Variants in NEK5 observed in about 807,000 individuals in gnomAD.
NEK5 encodes NIMA related kinase 5.
NEK5 carries 88 observed loss-of-function variants against 109.2 expected under a neutral mutation model. The observed-to-expected ratio is 0.81, with a 90% CI of 0.68 to 0.96. The LOEUF (loss-of-function observed/expected upper bound fraction) is 0.96. Ranked by LOEUF, NEK5 falls within the 40% of genes least tolerant of loss-of-function variation. The pLI is 0.00. For missense variants in NEK5, 834 were observed against 920.7 expected (o/e 0.91, Z 1.22); for synonymous variants, 283 against 299.9 (o/e 0.94, Z 0.58).
At chr13:52,112,202 A>C in intron 5 of NEK5, 66 bp downstream of exon 5, 1 of 819,420 alleles carries the variant, frequency 1.2e-6, no homozygotes, top group African/African-American at 1.7e-5. Context: ...TACTTATGAC[A>C]TTATAAATTT....
chr13:52,063,066 CCCCTCTCCCCACGGTCT>C (rs1954627422), intron 21 of NEK5, among the ~76,000 whole-genome samples: 1 of 150,386 alleles, frequency 6.6e-6, no homozygotes. Context: ...CCCCACGGTC[CCCCTCTCCCCACGGTCT>C]CCCTCTCCCT....
chr13:52,041,521 AG>A (rs912947566), intron 23 of NEK5, among the ~76,000 whole-genome samples: 60 of 152,190 alleles, frequency 3.9e-4, no homozygotes, highest in African/African-American at 1.4e-3. Context: ...TGAGGTCAGG[AG>A]TTCGAGACCA....
At chr13:52,125,164 A>G (rs1956040521) in intron 3 of NEK5, among the ~76,000 whole-genome samples, 1 of 152,230 alleles carries the variant, frequency 6.6e-6, no homozygotes, top group African/African-American at 2.4e-5. Context: ...GGTGGTCTCA[A>G]TGATCGTCAT....
At chr13:52,065,735 C>A in intron 20 of NEK5, 126 bp from the exon 21 acceptor site, 1 of 645,812 alleles carries the variant, frequency 1.5e-6, no homozygotes, top group Non-Finnish European at 2.7e-6. Context: ...AAATGACCAC[C>A]CTTGTTCTAA....
chr13:52,065,399 G>T (rs746297022), intron 21 of NEK5, 85 bp downstream of exon 21: 1 of 1,584,594 alleles, frequency 6.3e-7, no homozygotes, highest in Admixed American at 1.7e-5. Flanking sequence ...ATAGTGAGAA[G>T]TAGACTATCA....
At chr13:52,037,885 T>G (rs1016944108) in intron 23 of NEK5, among the ~76,000 whole-genome samples, 2 of 150,436 alleles carry the variant, frequency 1.3e-5, no homozygotes, top group African/African-American at 4.9e-5. Flanking sequence ...ATCGCGCCAC[T>G]GCACTCCAGC....
intron 4 of NEK5, among the ~76,000 whole-genome samples, chr13:52,112,756 C>A (rs1311357446): frequency 6.6e-6 from 1 of 152,168 alleles, no homozygotes; most frequent in East Asian, 1.9e-4. Flanking sequence ...ATAGCCCCTT[C>A]TTGAATTTGG....
At chr13:52,122,199 C>T (rs1489004163) in intron 3 of NEK5, among the ~76,000 whole-genome samples, 1 of 152,200 alleles carries the variant, frequency 6.6e-6, no homozygotes, top group Non-Finnish European at 1.5e-5. Flanking sequence ...CATCCTGGAG[C>T]TAACTGCTTA....
intron 4 of NEK5, among the ~76,000 whole-genome samples, chr13:52,112,672 A>G (rs763730596): frequency 6.6e-6 from 1 of 152,184 alleles, no homozygotes; most frequent in South Asian, 2.1e-4. Flanking sequence ...TTATTAATAC[A>G]TTCCTTTGAG....
At chr13:52,084,222 G>A (rs1340934505) in intron 16 of NEK5, among the ~76,000 whole-genome samples, 2 of 152,020 alleles carry the variant, frequency 1.3e-5, no homozygotes, top group Non-Finnish European at 2.9e-5. Flanking sequence ...AAAGAATAGT[G>A]GTTATAATTG....
intron 22 of NEK5, among the ~76,000 whole-genome samples, chr13:52,060,808 C>T (rs546983793): frequency 5.9e-5 from 9 of 152,324 alleles, no homozygotes; most frequent in Admixed American, 5.2e-4. Context: ...TGTAGCACTT[C>T]ACACTTGAAT....
intron 3 of NEK5, among the ~76,000 whole-genome samples, chr13:52,124,526 A>G (rs1032525698): frequency 6.6e-6 from 1 of 152,208 alleles, no homozygotes; most frequent in African/African-American, 2.4e-5. Context: ...TTTATAAATT[A>G]CTTAACAAAT....
At chr13:52,076,182 GT>G in intron 17 of NEK5, 39 bp from the exon 18 acceptor site, 1 of 1,065,352 alleles carries the variant, frequency 9.4e-7, no homozygotes. Context: ...CTCACTGTAT[GT>G]TTACATGAGT....
chr13:52,065,348 C>T, intron 21 of NEK5, 136 bp downstream of exon 21: 2 of 1,237,696 alleles, frequency 1.6e-6, no homozygotes, highest in South Asian at 2.4e-5. Flanking sequence ...GATATCAAAA[C>T]AACATATTTG....
chr13:52,102,026 C>A lies in NEK5; in HGVS notation c.811-12G>T. On this transcript the variant is annotated splice_polypyrimidine_tract_variant and intron_variant, in intron 10 of 23. Transcript: ENST00000684899. ...TCTTCCTGAATGACCTAAAACCGAACACACGTGTCAAGGACCTGCAACCCA... is the reference window on the plus strand; with the variant it reads ...TCTTCCTGAATGACCTAAAACCGAAAACACGTGTCAAGGACCTGCAACCCA... 6.2e-7 allele frequency: 1 copy of A among 1,613,808 alleles called. No individual in the cohort carries two copies. The highest frequency in any genetic ancestry group is 1.6e-4 in the Middle Eastern group (1 of 6,062).
At chr13:52,100,197 C>T (rs992290309) in intron 11 of NEK5, among the ~76,000 whole-genome samples, 23 of 151,790 alleles carry the variant, frequency 1.5e-4, no homozygotes, top group African/African-American at 5.1e-4. Flanking sequence ...TAAATTTGGT[C>T]ATTAGAGCTT....
At chr13:52,116,672 G>T (rs1955864337) in intron 4 of NEK5, among the ~76,000 whole-genome samples, 1 of 152,158 alleles carries the variant, frequency 6.6e-6, no homozygotes, top group African/African-American at 2.4e-5. Flanking sequence ...AATAGGTGTT[G>T]TTGTTAAGCC....
chr13:52,037,500 G>A (rs966475237), intron 23 of NEK5, among the ~76,000 whole-genome samples: 6 of 151,948 alleles, frequency 3.9e-5, no homozygotes, highest in Admixed American at 6.6e-5. Context: ...AACAATTGCC[G>A]TACATCGAGC....
chr13:52,071,187 C>T (rs924602165), intron 20 of NEK5, among the ~76,000 whole-genome samples: 2 of 151,800 alleles, frequency 1.3e-5, no homozygotes, highest in Non-Finnish European at 2.9e-5. Context: ...CTGTGAAGTT[C>T]TCATAAGATA....
Sources: gnomAD v4.1 joint callset for allele counts (sites outside exome capture counted in the v4.1 genomes callset) on GRCh38, gnomAD v4.1.1 for gene constraint, MANE v1.5 for transcripts, NCBI Gene and HGNC (gene_info 2026-07-23, HGNC 2026-07-21) for gene names.